AAK1: variants seen among roughly 807,000 people sequenced by gnomAD.
The protein encoded by AAK1 is AP2 associated kinase 1, also known as AP2-associated protein kinase 1.
AAK1 carries 37 observed loss-of-function variants against 116.0 expected under a neutral mutation model. The ratio of observed to expected loss-of-function variants is 0.32; its 90% CI spans 0.25 to 0.42. The LOEUF is 0.42. Among genes scored for constraint, AAK1 ranks in the 10% least tolerant of loss-of-function variants. AAK1 has a pLI of 1.00. For synonymous variants in AAK1, 458 were observed against 439.9 expected (o/e 1.04, Z -0.51); for missense variants, 919 against 1,170.6 (o/e 0.79, Z 3.14).
intron 3 of AAK1, among the ~76,000 whole-genome samples, chr2:69,555,932 C>T (rs1671370027): frequency 6.6e-6 from 1 of 151,992 alleles, no homozygotes; most frequent in Non-Finnish European, 1.5e-5. Flanking sequence ...TTCCCATATA[C>T]TCATAATTCT....
rs1352551332 is a variant in AAK1 at position 69,470,819 on chromosome 2, C to G, written c.*5050G>C. Reference sequence around the variant, plus strand: ...TTTCTTGTGCCCAGGTACTTATTGTCACTCAATACTGTGATTAAATCCTTT... The same window carrying G: ...TTTCTTGTGCCCAGGTACTTATTGTGACTCAATACTGTGATTAAATCCTTT... On this transcript the variant is annotated 3_prime_UTR_variant, in exon 22 of 22. Transcript: ENST00000409085. 1.0e-6 allele frequency: 1 copy of G among 985,726 alleles called. No homozygotes were observed. The highest frequency in any genetic ancestry group is 1.7e-5 in the African/African-American group (1 of 57,232). The allele number at this position is 985,726 out of a possible 1,614,324, so 61.1% of individuals were successfully genotyped here. A position where few individuals can be genotyped will look rare whatever the true frequency, so the allele number is the denominator to read the frequency against.
At chr2:69,572,359 G>T (rs920488781) in intron 2 of AAK1, among the ~76,000 whole-genome samples, 1 of 152,056 alleles carries the variant, frequency 6.6e-6, no homozygotes, top group Non-Finnish European at 1.5e-5. Flanking sequence ...GCCAGGCATG[G>T]TGGCTCACAC....
intron 2 of AAK1, among the ~76,000 whole-genome samples, chr2:69,576,526 T>C (rs1672322916): frequency 1.3e-5 from 2 of 152,166 alleles, no homozygotes. Context: ...CCCCAGTGTC[T>C]GCTGTTTCCT....
rs904004964 is a variant in AAK1, at chr2:69,460,268, T to G, written c.*15601A>C. The G allele has an allele frequency of 1.3e-5, 2 of 152,666 alleles. No homozygotes were observed. The highest frequency in any genetic ancestry group is 4.8e-5 in the African/African-American group (2 of 41,466). 9.5% of individuals were successfully genotyped at this position (152,666 alleles called of 1,614,324 possible). ...AGTGATTTTTAAGCTGTATTCTTCC[T>G]GCTAGAGAATGAATTGAGTAGCATC... On this transcript the variant is annotated 3_prime_UTR_variant, in exon 22 of 22. Transcript: ENST00000409085.
At position 69,468,995 on chromosome 2, in the gene AAK1, A is replaced by G; in HGVS notation, c.*6874T>C. ...TTACAAAAACAGTCACAAAAACACC[A>G]GAATATCAAGTTTGAAGGGAAAATT... is the stretch of plus-strand genomic sequence containing the variant. On this transcript the variant is annotated 3_prime_UTR_variant, in exon 22 of 22. Coordinates refer to ENST00000409085, the MANE Select transcript of AAK1 (RefSeq NM_014911.5). 4 of 985,464 alleles carry G rather than the reference A, an allele frequency of 4.1e-6. No individual in the cohort carries two copies. The highest frequency in any genetic ancestry group is 4.8e-6 in the Non-Finnish European group (4 of 829,926). The allele number at this position is 985,464 out of a possible 1,614,324, so 61.0% of individuals were successfully genotyped here.
intron 4 of AAK1, chr2:69,544,160 C>A (rs1054237406): frequency 1.2e-5 from 4 of 331,228 alleles, no homozygotes; most frequent in African/African-American, 6.2e-5. Context: ...TAAAGCATCA[C>A]AAAGAACATA....
intron 2 of AAK1, among the ~76,000 whole-genome samples, chr2:69,640,051 A>ACTCTCTCTCTCTCTCT (rs34183429): frequency 4.0e-5 from 4 of 100,748 alleles, no homozygotes. Flanking sequence ...ACACACACAC[A>ACTCTCTCTCTCTCTCT]CACTCTCTCT....
At chr2:69,493,344 A>G (rs1675616359) in intron 17 of AAK1, among the ~76,000 whole-genome samples, 1 of 151,756 alleles carries the variant, frequency 6.6e-6, no homozygotes, top group Non-Finnish European at 1.5e-5. Flanking sequence ...CCTAGCTACT[A>G]TTCTCATCAG....
intron 2 of AAK1, among the ~76,000 whole-genome samples, chr2:69,629,335 T>C (rs1675056016): frequency 6.6e-6 from 1 of 152,254 alleles, no homozygotes; most frequent in African/African-American, 2.4e-5. Flanking sequence ...ATCTGAGTTT[T>C]TGACACATGA....
chr2:69,540,121 C>CTTTTTTTTTT lies in AAK1; in HGVS notation c.534+2392_534+2401dup, dbSNP rs538276702. ...AACATGCATTCCCTGCCCCACTTGCCTTTTTTTTTTTTTTTTTTGAGACAG... is the reference window on the plus strand; with the variant it reads ...AACATGCATTCCCTGCCCCACTTGCCTTTTTTTTTTTTTTTTTTTTTTTTTTTTGAGACAG... On this transcript the variant is annotated intron_variant, in intron 5 of 21. Transcript: ENST00000409085. Among the ~76,000 whole-genome samples the CTTTTTTTTTT allele has an allele frequency of 1.6e-5, 2 of 127,818 alleles. 1 individual carries two copies. The highest frequency in any genetic ancestry group is 6.2e-5 in the African/African-American group (2 of 32,312). The allele number at this position is 127,818 out of a possible 152,430, so 83.9% of individuals were successfully genotyped here.
chr2:69,641,214 A>T (rs539986426), intron 2 of AAK1, among the ~76,000 whole-genome samples: 1 of 152,330 alleles, frequency 6.6e-6, no homozygotes, highest in East Asian at 1.9e-4. Flanking sequence ...ATCCTAGCTG[A>T]ACAAAACGCT....
At chr2:69,528,236 T>A (rs1016697010) in intron 8 of AAK1, among the ~76,000 whole-genome samples, 7 of 152,314 alleles carry the variant, frequency 4.6e-5, no homozygotes, top group Non-Finnish European at 8.8e-5. Flanking sequence ...GTGGGTGGAA[T>A]GCAATCAGAA....
chr2:69,599,672 T>C (rs1290162487), intron 2 of AAK1, among the ~76,000 whole-genome samples: 2 of 152,226 alleles, frequency 1.3e-5, no homozygotes, highest in Admixed American at 6.5e-5. Context: ...AGTAATCTCT[T>C]GGACTTTGTT....
rs1447949703 is a variant in AAK1 at position 69,476,887 on chromosome 2, G to A, written c.2784C>T (p.Asn928=). 1 of 1,612,780 alleles carries A rather than the reference G, an allele frequency of 6.2e-7. No individual in the cohort carries two copies. The highest frequency in any genetic ancestry group is 8.5e-7 in the Non-Finnish European group (1 of 1,179,200). ...CCCCATCCTTTTTCTTACCTTGTGG[G>A]TTTTTGGTTATCAATACAGGAATAG... ...FDPIPVLITK[N]PQGGHSRNSS... is the part of the protein sequence containing the mutation. The change falls in exon 21 of 22, where the codon AAC becomes AAT. Residue 928 remains asparagine, a synonymous_variant. Transcript: ENST00000409085.
chr2:69,559,741 T>C (rs1193652227), intron 2 of AAK1, among the ~76,000 whole-genome samples: 1 of 152,132 alleles, frequency 6.6e-6, no homozygotes, highest in Non-Finnish European at 1.5e-5. Flanking sequence ...GTGATACCCT[T>C]TAGGTAATAA....
intron 5 of AAK1, among the ~76,000 whole-genome samples, chr2:69,537,802 A>G (rs1160980669): frequency 6.6e-6 from 1 of 152,236 alleles, no homozygotes; most frequent in African/African-American, 2.4e-5. Flanking sequence ...TAACGTGCTA[A>G]TGAAAGCATC....
chr2:69,554,283 A>G (rs1386601981), intron 3 of AAK1, among the ~76,000 whole-genome samples: 2 of 152,208 alleles, frequency 1.3e-5, no homozygotes, highest in African/African-American at 4.8e-5. Context: ...TAAAACAGAC[A>G]CCATTAAATG....
chr2:69,628,142 T>C (rs977629038), intron 2 of AAK1, among the ~76,000 whole-genome samples: 1 of 152,172 alleles, frequency 6.6e-6, no homozygotes, highest in Non-Finnish European at 1.5e-5. Context: ...AGGTTAACAA[T>C]CCACCTCAAA....
chr2:69,530,595 T>A, intron 7 of AAK1, 30 bp downstream of exon 7: 1 of 1,566,638 alleles, frequency 6.4e-7, no homozygotes, highest in Non-Finnish European at 8.8e-7. Context: ...TGCTGCTATC[T>A]GAGGTATGGA....
Sources: gnomAD v4.1 joint callset for allele counts (sites outside exome capture counted in the v4.1 genomes callset) on GRCh38, gnomAD v4.1.1 for gene constraint, MANE v1.5 for transcripts, NCBI Gene and HGNC (gene_info 2026-07-23, HGNC 2026-07-21) for gene names.